HERC4: variants seen among roughly 807,000 people sequenced by gnomAD.
HERC4 encodes the protein probable E3 ubiquitin-protein ligase HERC4.
A neutral mutation model predicts 124.3 loss-of-function variants in HERC4; 28 were observed. The observed-to-expected ratio is 0.23, with a 90% CI of 0.17 to 0.31. The LOEUF is 0.31. HERC4 is among the 10% of genes least tolerant of loss of function. The pLI, the probability that HERC4 is intolerant of heterozygous loss-of-function variation, is 1.00. For missense variants in HERC4, 713 were observed against 1,229.3 expected (o/e 0.58, Z 6.28); for synonymous variants, 407 against 421.5 (o/e 0.97, Z 0.42).
intron 4 of HERC4, among the ~76,000 whole-genome samples, chr10:68,040,796 G>A (rs2039723450): frequency 6.6e-6 from 1 of 151,746 alleles, no homozygotes; most frequent in African/African-American, 2.4e-5. Flanking sequence ...GGCTGAGGCA[G>A]GAGAATGGCT....
At chr10:68,011,918 A>T (rs2037977960) in intron 9 of HERC4, among the ~76,000 whole-genome samples, 1 of 152,214 alleles carries the variant, frequency 6.6e-6, no homozygotes, top group Non-Finnish European at 1.5e-5. Flanking sequence ...AACATTGAAA[A>T]TCTGTTGTTT....
intron 4 of HERC4, among the ~76,000 whole-genome samples, chr10:68,041,899 G>A (rs187919909): frequency 1.3e-5 from 2 of 152,294 alleles, no homozygotes; most frequent in Admixed American, 1.3e-4. Context: ...AACTGTTTCA[G>A]TTATATCCTA....
Position 67,927,405 on chromosome 10 carries a change from TATATATATATATATATATA to T in HERC4, c.2839-2237_2839-2219del, listed in dbSNP as rs1564910648. Among the ~76,000 whole-genome samples the T allele has an allele frequency of 1.9e-3, 21 of 10,986 alleles. 3 individuals carry two copies. Among genetic ancestry groups the T allele is most frequent in the African/African-American group, 4.8e-3 (19 of 3,954 alleles). The allele number at this position is 10,986 out of a possible 152,430, so 7.2% of individuals were successfully genotyped here. The stretch of plus-strand genomic sequence containing the variant: ...ATATATATATATATATATATATATA[TATATATATATATATATATA>T]TATATATTTTTTTTTTTTTTTAGAT... On this transcript the variant is annotated intron_variant, in intron 23 of 24. Coordinates refer to ENST00000373700, the MANE Select transcript of HERC4 (RefSeq NM_015601.4).
In HERC4 at chr10:68,020,028, G is replaced by A. The variant is rs2038514680; in HGVS notation, c.908+5518C>T. On this transcript the variant is annotated intron_variant, in intron 8 of 24. Coordinates refer to ENST00000373700, the MANE Select transcript of HERC4 (RefSeq NM_015601.4). ...TTCTTTGGGGAGCCAGGCATTTAAGGTCTACAACATTAAAAAGCAACCACA... is the reference window on the plus strand; with the variant it reads ...TTCTTTGGGGAGCCAGGCATTTAAGATCTACAACATTAAAAAGCAACCACA... 2.0e-5 allele frequency among the ~76,000 whole-genome samples: 3 copies of A among 152,076 alleles called. No individual in the cohort carries two copies. The East Asian group carries it at 5.8e-4, about 29-fold the overall frequency.
intron 19 of HERC4, among the ~76,000 whole-genome samples, chr10:67,942,328 T>C (rs1413995541): frequency 1.3e-5 from 2 of 152,300 alleles, no homozygotes; most frequent in African/African-American, 2.4e-5. Flanking sequence ...AAAGGTTCAA[T>C]AAATGTCAGT....
chr10:68,033,897 C>A, intron 6 of HERC4, 68 bp downstream of exon 6: 1 of 1,269,196 alleles, frequency 7.9e-7, no homozygotes, highest in South Asian at 1.3e-5. Flanking sequence ...CACTAAGAAT[C>A]ACTGATCTAA....
At chr10:67,939,483 T>A in intron 21 of HERC4, 105 bp downstream of exon 21, 1 of 705,200 alleles carries the variant, frequency 1.4e-6, no homozygotes, top group Non-Finnish European at 2.4e-6. Flanking sequence ...AGCTAAAGGG[T>A]TCTTTAAGAA....
intron 3 of HERC4, among the ~76,000 whole-genome samples, chr10:68,072,671 G>A (rs1034508244): frequency 1.3e-5 from 2 of 151,360 alleles, no homozygotes; most frequent in African/African-American, 4.8e-5. Flanking sequence ...TACAAAATAA[G>A]GTTTTATAAT....
At chr10:68,022,411 A>C (rs1589349793) in intron 8 of HERC4, among the ~76,000 whole-genome samples, 3 of 152,134 alleles carry the variant, frequency 2.0e-5, no homozygotes, top group Non-Finnish European at 4.4e-5. Context: ...AGGCAGGAGA[A>C]TCGCTTGGTC....
At chr10:67,980,855 T>C (rs937768562) in intron 15 of HERC4, among the ~76,000 whole-genome samples, 1 of 152,162 alleles carries the variant, frequency 6.6e-6, no homozygotes, top group Non-Finnish European at 1.5e-5. Flanking sequence ...GGTTATAAGA[T>C]AGTATCTGCA....
intron 9 of HERC4, among the ~76,000 whole-genome samples, chr10:68,009,058 TA>T (rs2037766733): frequency 6.6e-6 from 1 of 151,898 alleles, no homozygotes; most frequent in Non-Finnish European, 1.5e-5. Flanking sequence ...CTGTCTCCAA[TA>T]AAAATACTAA....
Position 68,059,748 on chromosome 10 carries a change from TATA to T in HERC4, c.226+13132_226+13134del, listed in dbSNP as rs1300780619. 9.7e-5 allele frequency among the ~76,000 whole-genome samples: 7 copies of T among 72,292 alleles called. 1 individual carries two copies. Among genetic ancestry groups the T allele is most frequent in the South Asian group, 3.9e-4 (1 of 2,578 alleles). The allele number at this position is 72,292 out of a possible 152,430, so 47.4% of individuals were successfully genotyped here. On this transcript the variant is annotated intron_variant, in intron 3 of 24. Transcript: ENST00000373700. The stretch of plus-strand genomic sequence containing the variant: ...TATTATATATCATAATATTATATAT[TATA>T]ATATTATATATCATAATATTATATA...
chr10:68,068,849 C>T (rs1024423675), intron 3 of HERC4: 1 of 159,814 alleles, frequency 6.3e-6, no homozygotes, highest in Non-Finnish European at 1.3e-5. Context: ...CCCTATTAGT[C>T]TCTTAATCTC....
chr10:67,992,712 C>A, intron 9 of HERC4, 30 bp from the exon 10 acceptor site: 1 of 1,094,096 alleles, frequency 9.1e-7, no homozygotes, highest in Non-Finnish European at 1.3e-6. Context: ...AATTAAAAGC[C>A]AAGATTTACA....
chr10:67,962,195 T>C (rs10823121), intron 16 of HERC4, among the ~76,000 whole-genome samples: 92,972 of 151,100 alleles, frequency 0.62, 29,462 homozygotes, highest in Non-Finnish European at 0.68. Context: ...TTAAAAAGTG[T>C]TATTACTACT....
At chr10:67,949,033 C>T (rs538942208) in intron 19 of HERC4, among the ~76,000 whole-genome samples, 1 of 152,212 alleles carries the variant, frequency 6.6e-6, no homozygotes, top group South Asian at 2.1e-4. Context: ...GAGGATGGAT[C>T]ACAAGGTCAG....
At position 68,059,644 on chromosome 10, in the gene HERC4, T is replaced by TCA. The variant is rs1267813966; in HGVS notation, c.226+13238_226+13239insTG. Among the ~76,000 whole-genome samples the TCA allele has an allele frequency of 4.8e-3, 363 of 76,250 alleles. 114 individuals are homozygous for TCA. Among genetic ancestry groups the TCA allele is most frequent in the African/African-American group, 0.028 (347 of 12,500 alleles). 50.0% of individuals were successfully genotyped at this position (76,250 alleles called of 152,430 possible). A position where few individuals can be genotyped will look rare whatever the true frequency, so the allele number is the denominator to read the frequency against. ...ATATTATATATCATAATATTATATA[T>TCA]TATATTATATATCATATTATATATT... On this transcript the variant is annotated intron_variant, in intron 3 of 24. Transcript: ENST00000373700.
chr10:68,039,752 A>G (rs2039666921), intron 4 of HERC4: 3 of 1,250,682 alleles, frequency 2.4e-6, no homozygotes, highest in South Asian at 4.1e-5. Flanking sequence ...ATACATGAAC[A>G]TACCCAACTG....
chr10:67,925,056 A>G, intron 24 of HERC4, 29 bp downstream of exon 24: 3 of 1,203,340 alleles, frequency 2.5e-6, no homozygotes, highest in Non-Finnish European at 3.7e-6. Context: ...CCAGTCTCAT[A>G]AAGTATACAA....
Sources: allele counts gnomAD v4.1 joint callset (sites outside exome capture counted in the v4.1 genomes callset), GRCh38; gene constraint gnomAD v4.1.1; transcripts MANE v1.5; gene names NCBI Gene and HGNC (gene_info 2026-07-23, HGNC 2026-07-21).